The following CSNK1A1 variants were observed in gnomAD, a reference collection of about 807,000 sequenced individuals.
The protein encoded by CSNK1A1 is casein kinase I isoform alpha.
A neutral mutation model predicts 46.1 loss-of-function variants in CSNK1A1; 7 were observed. The ratio of observed to expected loss-of-function variants is 0.15; its 90% confidence interval spans 0.09 to 0.29. The LOEUF is 0.29. Among genes scored for constraint, CSNK1A1 ranks in the 10% least tolerant of loss-of-function variants. CSNK1A1 has a pLI of 1.00. For missense variants in CSNK1A1, 96 were observed against 417.1 expected (o/e 0.23, Z 6.71); for synonymous variants, 137 against 141.5 (o/e 0.97, Z 0.23).
chr5:149,533,366 G>T (rs902468479), intron 2 of CSNK1A1, among the ~76,000 whole-genome samples: 6 of 151,896 alleles, frequency 4.0e-5, no homozygotes, highest in African/African-American at 1.5e-4. Context: ...TTTTTTTAAG[G>T]GAGGCATCAG....
intron 2 of CSNK1A1, among the ~76,000 whole-genome samples, chr5:149,543,459 C>G (rs1762365905): frequency 6.6e-6 from 1 of 151,844 alleles, no homozygotes; most frequent in African/African-American, 2.4e-5. Context: ...AAGCACATTT[C>G]TCGTGATCTG....
intron 4 of CSNK1A1, among the ~76,000 whole-genome samples, chr5:149,514,837 T>C (rs1761349524): frequency 6.6e-6 from 1 of 152,194 alleles, no homozygotes; most frequent in South Asian, 2.1e-4. Context: ...TAGTCTACTA[T>C]AAAAGAATGA....
intron 9 of CSNK1A1, chr5:149,504,844 G>A: frequency 2.0e-6 from 2 of 985,396 alleles, no homozygotes; most frequent in Non-Finnish European, 2.4e-6. Flanking sequence ...GACTAGAAAA[G>A]ATGTGCTGAG....
At chr5:149,503,784 T>C (rs1760946578) in intron 9 of CSNK1A1, 18 of 985,368 alleles carry the variant, frequency 1.8e-5, no homozygotes, top group Non-Finnish European at 2.2e-5. Flanking sequence ...TAACTTAAAA[T>C]AAGGTAATTC....
chr5:149,503,090 A>C (rs1335883787), intron 9 of CSNK1A1: 1 of 985,340 alleles, frequency 1.0e-6, no homozygotes, highest in Non-Finnish European at 1.2e-6. Flanking sequence ...ATAAAGAACC[A>C]CTATAGTGGA....
chr5:149,507,792 T>C (rs1336597706), intron 7 of CSNK1A1, among the ~76,000 whole-genome samples: 2 of 152,162 alleles, frequency 1.3e-5, no homozygotes, highest in Non-Finnish European at 2.9e-5. Context: ...TTCTAAATGG[T>C]TGCATGATAT....
chr5:149,542,272 G>C (rs568422930), intron 2 of CSNK1A1, among the ~76,000 whole-genome samples: 56 of 152,082 alleles, frequency 3.7e-4, no homozygotes, highest in African/African-American at 1.3e-3. Flanking sequence ...ATGACCCCCA[G>C]ATGGAAGCAG....
In CSNK1A1 at chr5:149,509,807, C is replaced by G. The variant is rs1761159101; in HGVS notation, c.750+72G>C. 12 of 1,173,072 alleles carry G rather than the reference C, an allele frequency of 1.0e-5. No homozygotes were observed. The Admixed American group carries it at 2.1e-4, about 20-fold the overall frequency. 72.7% of individuals were successfully genotyped at this position (1,173,072 alleles called of 1,614,324 possible). ...CCTACTGCCTTGGCCTCCCAAAGTG[C>G]TGGGATTACAGGTGTGAGCCATTGT... On this transcript the variant is annotated intron_variant, in intron 7 of 9. Transcript: ENST00000377843.
Position 149,525,507 on chromosome 5 carries a change from T to TA in CSNK1A1, c.231-337dup, listed in dbSNP as rs1430081476. ...CAAATTCCTTAATCTCACCTGAATTTACTTTGTAACTGAAGAAATGAAGAT... is the reference window on the plus strand; with the variant it reads ...CAAATTCCTTAATCTCACCTGAATTTAACTTTGTAACTGAAGAAATGAAGAT... On this transcript the variant is annotated intron_variant, in intron 2 of 9. Coordinates refer to ENST00000377843, the MANE Select transcript of CSNK1A1 (RefSeq NM_001892.6). This position sits in a 1 kb window ranked among gnomAD's most constrained non-coding sequence, Gnocchi z 4.2. Among the ~76,000 whole-genome samples the TA allele has an allele frequency of 6.6e-6, 1 of 152,236 alleles. No homozygotes were observed. The highest frequency in any genetic ancestry group is 2.4e-5 in the African/African-American group (1 of 41,462).
At chr5:149,506,441 C>CG (rs1761029408) in intron 8 of CSNK1A1, among the ~76,000 whole-genome samples, 1 of 151,280 alleles carries the variant, frequency 6.6e-6, no homozygotes, top group African/African-American at 2.4e-5. Flanking sequence ...TTCACCATGT[C>CG]GGGCAGGCTG....
intron 2 of CSNK1A1, among the ~76,000 whole-genome samples, chr5:149,542,157 G>A (rs907380957): frequency 6.6e-6 from 1 of 151,788 alleles, no homozygotes; most frequent in African/African-American, 2.4e-5. Flanking sequence ...AACAGAATTA[G>A]ATTCTCATAG....
Position 149,550,790 on chromosome 5 carries a change from G to C in CSNK1A1, c.123+52C>G, listed in dbSNP as rs961235803. 1.7e-5 allele frequency: 28 copies of C among 1,611,952 alleles called. No homozygotes were observed. Among genetic ancestry groups the C allele is most frequent in the Non-Finnish European group, 2.4e-5 (28 of 1,178,638 alleles). ...CTTTGGGGGTGCACGGTGGTGGTGG[G>C]GGGAATGAGTAAAAGCGCAGCGTTA... On this transcript the variant is annotated intron_variant, in intron 1 of 9. Coordinates refer to ENST00000377843, the MANE Select transcript of CSNK1A1 (RefSeq NM_001892.6). The surrounding 1 kb of genome is among the most constrained non-coding windows in gnomAD (Gnocchi z 4.3).
chr5:149,532,459 G>A (rs532322752), intron 2 of CSNK1A1, among the ~76,000 whole-genome samples: 5 of 151,918 alleles, frequency 3.3e-5, no homozygotes, highest in Admixed American at 2.0e-4. Flanking sequence ...TTGGGAGGTC[G>A]AGGCAGATGG....
Position 149,541,993 on chromosome 5 carries a change from A to G in CSNK1A1, c.230+8082T>C, listed in dbSNP as rs13360392. On this transcript the variant is annotated intron_variant, in intron 2 of 9. Transcript: ENST00000377843. ...CTCAAAAAAAAAAAAAAAAAAAAAA[A>G]AAGATCTAGGTCCAGAAATGACTAA... Among the ~76,000 whole-genome samples, 50 of 149,256 alleles carry G rather than the reference A, an allele frequency of 3.3e-4. 1 individual carries two copies. Among genetic ancestry groups the G allele is most frequent in the African/African-American group, 1.2e-3 (46 of 39,362 alleles).
At chr5:149,519,007 A>AT (rs747191479) in intron 4 of CSNK1A1, among the ~76,000 whole-genome samples, 30 of 151,648 alleles carry the variant, frequency 2.0e-4, no homozygotes, top group South Asian at 4.2e-4. Context: ...AAGAACAGTA[A>AT]TTTTTTTTTC....
intron 2 of CSNK1A1, among the ~76,000 whole-genome samples, chr5:149,541,017 T>C (rs1049102581): frequency 6.7e-6 from 1 of 150,152 alleles, no homozygotes; most frequent in Non-Finnish European, 1.5e-5. Flanking sequence ...GAGGCGGAGG[T>C]TGCAGTGAGC....
At chr5:149,543,126 G>A (rs1762357002) in intron 2 of CSNK1A1, among the ~76,000 whole-genome samples, 1 of 152,162 alleles carries the variant, frequency 6.6e-6, no homozygotes, top group African/African-American at 2.4e-5. Flanking sequence ...GAGCTCTTCA[G>A]CTTGTCTATG....
intron 2 of CSNK1A1, chr5:149,549,527 C>A: frequency 1.4e-6 from 1 of 701,700 alleles, no homozygotes; most frequent in South Asian, 1.5e-5. Flanking sequence ...AAGGAGGAAT[C>A]AAGGAAGCAT....
At position 149,505,612 on chromosome 5, in the gene CSNK1A1, AT is replaced by A; in HGVS notation, c.858-18del. 3.1e-6 allele frequency: 5 copies of A among 1,602,996 alleles called. No individual in the cohort carries two copies. Among genetic ancestry groups the A allele is most frequent in the Non-Finnish European group, 4.3e-6 (5 of 1,171,164 alleles). ...TTCAGGGTCCTGGAACACATAAAAT[AT>A]TTTATGTTAATCCTTTAATAACAGA... On this transcript the variant is annotated intron_variant, in intron 8 of 9. Coordinates refer to ENST00000377843, the MANE Select transcript of CSNK1A1 (RefSeq NM_001892.6).
Sources: gnomAD v4.1 joint callset for allele counts (sites outside exome capture counted in the v4.1 genomes callset) on GRCh38, gnomAD v4.1.1 for gene constraint, Gnocchi (gnomAD v3.1) non-coding constraint, MANE v1.5 for transcripts, NCBI Gene and HGNC (gene_info 2026-07-23, HGNC 2026-07-21) for gene names.